The following AUTS2 variants were observed in gnomAD, a reference collection of about 807,000 sequenced individuals.
AUTS2 encodes autism susceptibility gene 2 protein.
Under a neutral mutation model 112.4 loss-of-function variants are expected in AUTS2, and 17 were observed. The observed-to-expected ratio is 0.15, with a 90% CI of 0.10 to 0.23. The LOEUF (loss-of-function observed/expected upper bound fraction) is 0.23, where lower values mean the gene tolerates loss of function less well. Among genes scored for constraint, AUTS2 ranks in the 10% least tolerant of loss-of-function variants. The probability of loss-of-function intolerance (pLI) is 1.00; values close to 1 mark genes in which losing one functional copy is unlikely to be tolerated. For synonymous variants in AUTS2, 751 were observed against 702.7 expected, an observed-to-expected ratio of 1.07 and a Z score of -1.09; for missense variants, 1,510 against 1,701.6, an observed-to-expected ratio of 0.89 and a Z score of 1.98.
At chr7:70,710,582 G>A (rs1809997139) in intron 6 of AUTS2, among the ~76,000 whole-genome samples, 1 of 152,176 alleles carries the variant, frequency 6.6e-6, no homozygotes. Context: ...TTTGTAATTC[G>A]ATGCGCAGTC....
rs530415474 is a variant in AUTS2 at position 70,178,795 on chromosome 7, T to TA, written c.660+44235dup. On this transcript the variant is annotated intron_variant, in intron 4 of 18. Coordinates refer to ENST00000342771, the MANE Select transcript of AUTS2 (RefSeq NM_015570.4). The stretch of plus-strand genomic sequence containing the variant: ...ACCTGGGCGACAGAGGGAGACTGTC[T>TA]AAAAAAAAAAATGTAGGTCTTATGG... Among the ~76,000 whole-genome samples, 79 of 146,370 alleles carry TA rather than the reference T, an allele frequency of 5.4e-4. 1 individual carries two copies. Among genetic ancestry groups the TA allele is most frequent in the Admixed American group, 1.9e-3 (28 of 14,692 alleles).
chr7:70,778,692 A>C (rs1790868592), intron 14 of AUTS2, among the ~76,000 whole-genome samples: 1 of 152,210 alleles, frequency 6.6e-6, no homozygotes, highest in Admixed American at 6.5e-5. Flanking sequence ...TTCTTATAAC[A>C]TGCCATCAGT....
At chr7:69,715,036 T>G (rs944529890) in intron 1 of AUTS2, among the ~76,000 whole-genome samples, 1 of 152,038 alleles carries the variant, frequency 6.6e-6, no homozygotes, top group Non-Finnish European at 1.5e-5. Flanking sequence ...GTCGTGTTCC[T>G]GCAGTATCCT....
In AUTS2 at chr7:69,599,639, C is replaced by T; in HGVS notation, c.-15C>T. ...CTGTGGCGGGCAAGCGGGGAGACCC[C>T]GGCGCAGCAGAACCATGGATGGCCC... On this transcript the variant is annotated 5_prime_UTR_variant, in exon 1 of 19. Transcript: ENST00000342771. This position sits in a 1 kb window ranked among gnomAD's most constrained non-coding sequence, Gnocchi z 7.0. 3.1e-6 allele frequency: 4 copies of T among 1,281,014 alleles called. No individual in the cohort carries two copies. The highest frequency in any genetic ancestry group is 3.9e-6 in the Non-Finnish European group (4 of 1,016,226). 79.4% of individuals were successfully genotyped at this position (1,281,014 alleles called of 1,614,324 possible).
At chr7:69,809,378 G>T (rs1413300984) in intron 1 of AUTS2, among the ~76,000 whole-genome samples, 1 of 152,086 alleles carries the variant, frequency 6.6e-6, no homozygotes, top group Non-Finnish European at 1.5e-5. Flanking sequence ...ACGCCTGGCC[G>T]ATCATAGACA....
At chr7:70,156,232 G>A (rs1452744212) in intron 4 of AUTS2, among the ~76,000 whole-genome samples, 1 of 152,188 alleles carries the variant, frequency 6.6e-6, no homozygotes, top group African/African-American at 2.4e-5. Context: ...CAAAGTCCAA[G>A]AGATGTGGCA....
intron 2 of AUTS2, among the ~76,000 whole-genome samples, chr7:70,004,105 A>G (rs1415646469): frequency 7.6e-6 from 1 of 131,352 alleles, no homozygotes; most frequent in Non-Finnish European, 1.5e-5. Flanking sequence ...TATATATAAT[A>G]TATATGAATG....
chr7:69,997,469 G>A (rs1430294760), intron 2 of AUTS2, among the ~76,000 whole-genome samples: 1 of 152,156 alleles, frequency 6.6e-6, no homozygotes, highest in Non-Finnish European at 1.5e-5. Flanking sequence ...TAGTCCATTT[G>A]TGTTCCTATA....
chr7:70,318,409 A>G (rs1440399034), intron 4 of AUTS2, among the ~76,000 whole-genome samples: 1 of 152,136 alleles, frequency 6.6e-6, no homozygotes, highest in Admixed American at 6.5e-5. Context: ...GGATCCAGGG[A>G]AAGAGAATGA....
At chr7:70,633,600 G>GGTC (rs1805383131) in intron 5 of AUTS2, among the ~76,000 whole-genome samples, 2 of 38,920 alleles carry the variant, frequency 5.1e-5, no homozygotes, top group African/African-American at 1.7e-4. Flanking sequence ...CACAGAGCAA[G>GGTC]ACTCCGTCTC....
intron 5 of AUTS2, among the ~76,000 whole-genome samples, chr7:70,454,398 G>C (rs554292723): frequency 1.3e-5 from 2 of 151,996 alleles, no homozygotes; most frequent in African/African-American, 2.4e-5. Flanking sequence ...TTAGCTGGAC[G>C]TGGTGGCAGG....
chr7:69,663,107 T>A (rs1190473865), intron 1 of AUTS2: 1 of 152,248 alleles, frequency 6.6e-6, no homozygotes, highest in Non-Finnish European at 1.5e-5. Flanking sequence ...TTCAACTGTC[T>A]GTTGTTTGGA....
intron 5 of AUTS2, among the ~76,000 whole-genome samples, chr7:70,696,413 G>C (rs1213932642): frequency 6.6e-6 from 1 of 152,164 alleles, no homozygotes; most frequent in Non-Finnish European, 1.5e-5. Context: ...CAAGAGGCAT[G>C]GTGTCCAGCC....
At chr7:70,746,696 G>A (rs1278389635) in intron 6 of AUTS2, among the ~76,000 whole-genome samples, 2 of 152,062 alleles carry the variant, frequency 1.3e-5, no homozygotes, top group Non-Finnish European at 2.9e-5. Flanking sequence ...TTGGCGCACT[G>A]GACGGTGGCT....
chr7:70,231,435 T>G (rs1812041936), intron 4 of AUTS2, among the ~76,000 whole-genome samples: 2 of 151,844 alleles, frequency 1.3e-5, no homozygotes, highest in African/African-American at 4.8e-5. Context: ...TCTGTGTGGT[T>G]TTTTTGTTTT....
intron 2 of AUTS2, among the ~76,000 whole-genome samples, chr7:69,915,311 C>T (rs558475716): frequency 1.7e-3 from 256 of 152,286 alleles, no homozygotes; most frequent in Non-Finnish European, 3.1e-3. Flanking sequence ...CCGAAAGCAT[C>T]GGCAAATGTT....
intron 3 of AUTS2, among the ~76,000 whole-genome samples, chr7:70,123,445 A>C (rs548798022): frequency 6.6e-6 from 1 of 152,076 alleles, no homozygotes; most frequent in Non-Finnish European, 1.5e-5. Context: ...ACCCAGAATT[A>C]TTTCATCACC....
At chr7:70,659,841 G>A (rs1378405052) in intron 5 of AUTS2, among the ~76,000 whole-genome samples, 2 of 152,154 alleles carry the variant, frequency 1.3e-5, no homozygotes, top group African/African-American at 4.8e-5. Context: ...AGGAGAGAGT[G>A]CATGCACATA....
intron 1 of AUTS2, among the ~76,000 whole-genome samples, chr7:69,865,353 G>T (rs554749219): frequency 6.6e-6 from 1 of 152,222 alleles, no homozygotes; most frequent in East Asian, 1.9e-4. Context: ...TGTTCAGTGT[G>T]TCCTGAGTCA....
Sources: gnomAD v4.1 joint callset for allele counts (sites outside exome capture counted in the v4.1 genomes callset) on GRCh38, gnomAD v4.1.1 for gene constraint, Gnocchi (gnomAD v3.1) non-coding constraint, MANE v1.5 for transcripts, NCBI Gene and HGNC (gene_info 2026-07-23, HGNC 2026-07-21) for gene names.